TRPC7: variants seen among roughly 807,000 people sequenced by gnomAD.
TRPC7 encodes transient receptor potential cation channel subfamily C member 7, also known as short transient receptor potential channel 7.
In TRPC7, 42 loss-of-function variants were observed where a neutral mutation model predicts 90.1. The ratio of observed to expected loss-of-function variants is 0.47; its 90% CI spans 0.36 to 0.60. The LOEUF is 0.60. Ranked by LOEUF, TRPC7 falls within the 20% of genes least tolerant of loss-of-function variation. The pLI, the probability that TRPC7 is intolerant of heterozygous loss-of-function variation, is 0.00. For missense variants in TRPC7, 955 were observed against 1,112.3 expected, an observed-to-expected ratio of 0.86 and a Z score of 2.01; for synonymous variants, 451 against 436.3, an observed-to-expected ratio of 1.03 and a Z score of -0.42.
intron 3 of TRPC7, among the ~76,000 whole-genome samples, chr5:136,295,617 C>T (rs1223179805): frequency 6.6e-6 from 1 of 152,182 alleles, no homozygotes; most frequent in Non-Finnish European, 1.5e-5. Context: ...CAGCTTAACA[C>T]CACGTCCTCT....
At chr5:136,269,330 G>T (rs888115775) in intron 4 of TRPC7, among the ~76,000 whole-genome samples, 2 of 152,206 alleles carry the variant, frequency 1.3e-5, no homozygotes, top group African/African-American at 2.4e-5. Flanking sequence ...CAACTGAAGA[G>T]TGCCCCTGAA....
At chr5:136,300,634 C>T (rs1418868072) in intron 3 of TRPC7, among the ~76,000 whole-genome samples, 1 of 152,202 alleles carries the variant, frequency 6.6e-6, no homozygotes, top group East Asian at 1.9e-4. Flanking sequence ...TCCTGGATAG[C>T]TCTTTTCCAG....
intron 2 of TRPC7, among the ~76,000 whole-genome samples, chr5:136,327,365 C>T (rs1420367978): frequency 6.6e-6 from 1 of 152,102 alleles, no homozygotes; most frequent in Non-Finnish European, 1.5e-5. Flanking sequence ...GGATGCCCAC[C>T]CCATCTCCAA....
intron 6 of TRPC7, among the ~76,000 whole-genome samples, chr5:136,250,350 T>C (rs1756481075): frequency 1.3e-5 from 2 of 152,196 alleles, no homozygotes; most frequent in Non-Finnish European, 1.5e-5. Context: ...CACAGAATCA[T>C]TGTTGTATCT....
chr5:136,288,490 C>A (rs1051541602), intron 3 of TRPC7, among the ~76,000 whole-genome samples: 2 of 150,724 alleles, frequency 1.3e-5, no homozygotes, highest in African/African-American at 4.9e-5. Context: ...CACACCTGGT[C>A]CCCTAACTAG....
intron 3 of TRPC7, among the ~76,000 whole-genome samples, chr5:136,286,710 G>T (rs1274626232): frequency 6.6e-6 from 1 of 152,140 alleles, no homozygotes; most frequent in African/African-American, 2.4e-5. Flanking sequence ...CAAGTTTTAT[G>T]CACCAAAAGA....
At chr5:136,353,962 T>A (rs561699828) in intron 2 of TRPC7, among the ~76,000 whole-genome samples, 52 of 149,626 alleles carry the variant, frequency 3.5e-4, no homozygotes, top group African/African-American at 1.1e-3. Context: ...CTAAAAAAAA[T>A]GTCTCAGATG....
intron 5 of TRPC7, among the ~76,000 whole-genome samples, chr5:136,263,022 A>C (rs1179614113): frequency 6.6e-6 from 1 of 152,202 alleles, no homozygotes; most frequent in East Asian, 1.9e-4. Context: ...AACAAAAGAC[A>C]CCAGAAATTT....
At chr5:136,217,975 G>A (rs1755325937) in intron 10 of TRPC7, among the ~76,000 whole-genome samples, 1 of 146,540 alleles carries the variant, frequency 6.8e-6, no homozygotes, top group Admixed American at 6.9e-5. Context: ...CCAAGATCAT[G>A]CCACTGCACT....
At chr5:136,308,819 C>G (rs997341984) in intron 3 of TRPC7, among the ~76,000 whole-genome samples, 1 of 152,206 alleles carries the variant, frequency 6.6e-6, no homozygotes, top group Non-Finnish European at 1.5e-5. Context: ...GACTGAGAAA[C>G]TTATTTTATG....
At chr5:136,219,181 G>A (rs1755371411) in intron 10 of TRPC7, among the ~76,000 whole-genome samples, 1 of 152,204 alleles carries the variant, frequency 6.6e-6, no homozygotes, top group Admixed American at 6.5e-5. Flanking sequence ...TTGAAGAAGG[G>A]GGTCTCTGCT....
At chr5:136,231,030 G>A (rs1193788872) in intron 8 of TRPC7, among the ~76,000 whole-genome samples, 1 of 152,166 alleles carries the variant, frequency 6.6e-6, no homozygotes, top group East Asian at 1.9e-4. Flanking sequence ...GGCGAAAGGG[G>A]CCTGGGGGCT....
intron 3 of TRPC7, among the ~76,000 whole-genome samples, chr5:136,276,854 C>T (rs1324101484): frequency 1.3e-5 from 2 of 152,212 alleles, no homozygotes; most frequent in Non-Finnish European, 2.9e-5. Flanking sequence ...CTAGTCATAG[C>T]ACAGTCTCAG....
chr5:136,223,833 G>A (rs962678843), intron 10 of TRPC7, among the ~76,000 whole-genome samples: 2 of 152,094 alleles, frequency 1.3e-5, no homozygotes, highest in African/African-American at 4.8e-5. Flanking sequence ...CTGAAAAGCT[G>A]AGAAATAAAA....
chr5:136,225,550 G>A (rs987037532), intron 9 of TRPC7, among the ~76,000 whole-genome samples, 196 bp from the exon 10 acceptor site: 11 of 148,644 alleles, frequency 7.4e-5, no homozygotes, highest in African/African-American at 2.9e-4. Context: ...ATGTTAATAA[G>A]GGTTACAGAA....
chr5:136,315,828 A>G (rs1166442548), intron 2 of TRPC7, 49 bp from the exon 3 acceptor site: 2 of 1,575,684 alleles, frequency 1.3e-6, no homozygotes, highest in African/African-American at 2.7e-5. Flanking sequence ...AGGCCCGCAG[A>G]TTGGCTTGCC....
chr5:136,308,593 C>T (rs1224212030), intron 3 of TRPC7, among the ~76,000 whole-genome samples: 2 of 152,222 alleles, frequency 1.3e-5, no homozygotes, highest in Admixed American at 6.5e-5. Context: ...CCTGCCTGTG[C>T]TTTGTGCAGA....
chr5:136,357,516 T>C, intron 1 of TRPC7, 131 bp from the exon 2 acceptor site: 2 of 982,174 alleles, frequency 2.0e-6, no homozygotes, highest in Non-Finnish European at 2.9e-6. Context: ...ATCTTACAAA[T>C]CATTGTCTTA....
intron 1 of TRPC7, among the ~76,000 whole-genome samples, chr5:136,360,867 C>T (rs1760548053): frequency 6.6e-6 from 1 of 152,170 alleles, no homozygotes; most frequent in South Asian, 2.1e-4. Context: ...TTAGCTCTGA[C>T]TCCCTCTTAC....
Sources: gnomAD v4.1 joint callset for allele counts (sites outside exome capture counted in the v4.1 genomes callset) on GRCh38, gnomAD v4.1.1 for gene constraint, MANE v1.5 for transcripts, NCBI Gene and HGNC (gene_info 2026-07-23, HGNC 2026-07-21) for gene names.